Variants in PSTPIP1 observed in about 807,000 individuals in gnomAD.
The protein encoded by PSTPIP1 is proline-serine-threonine phosphatase interacting protein 1.
PSTPIP1 carries 66 observed loss-of-function variants against 69.6 expected under a neutral mutation model. The observed-to-expected ratio is 0.95, with a 90% confidence interval of 0.78 to 1.16. The LOEUF is 1.16. Among genes scored for constraint, PSTPIP1 ranks in the 50% most tolerant of loss-of-function variants. The probability of loss-of-function intolerance (pLI) is 0.00; values close to 1 mark genes in which losing one functional copy is unlikely to be tolerated. For synonymous variants in PSTPIP1, 266 were observed against 222.7 expected (o/e 1.19, Z -1.73); for missense variants, 603 against 557.4 (o/e 1.08, Z -0.82).
At chr15:77,035,584 AC>A (rs758390838) in intron 13 of PSTPIP1, 21 bp downstream of exon 13, 1 of 1,564,106 alleles carries the variant, frequency 6.4e-7, no homozygotes. Flanking sequence ...TCAGGAGGGG[AC>A]CCCCAAACAC....
intron 1 of PSTPIP1, among the ~76,000 whole-genome samples, chr15:77,011,278 G>A (rs987246934): frequency 6.6e-6 from 1 of 152,254 alleles, no homozygotes; most frequent in Non-Finnish European, 1.5e-5. Flanking sequence ...TCCAGTGCCT[G>A]TGTTGTCCCT....
At chr15:76,997,510 T>C (rs1418039805) in intron 1 of PSTPIP1, among the ~76,000 whole-genome samples, 1 of 152,240 alleles carries the variant, frequency 6.6e-6, no homozygotes, top group African/African-American at 2.4e-5. Context: ...TATTCACTCA[T>C]TCAATCCTTC....
chr15:77,018,844 G>A (rs911453569), intron 3 of PSTPIP1, among the ~76,000 whole-genome samples: 6 of 152,300 alleles, frequency 3.9e-5, no homozygotes, highest in South Asian at 4.1e-4. Context: ...GGTGACAGGC[G>A]TCTCCACTGG....
intron 1 of PSTPIP1, among the ~76,000 whole-genome samples, chr15:77,017,321 C>T (rs2076070894): frequency 6.6e-6 from 1 of 152,218 alleles, no homozygotes; most frequent in South Asian, 2.1e-4. Context: ...CTGGAATCCA[C>T]TGCACAGTGA....
chr15:77,035,766 A>C (rs368099765), intron 13 of PSTPIP1, 36 bp from the exon 14 acceptor site: 2 of 1,305,628 alleles, frequency 1.5e-6, no homozygotes, highest in African/African-American at 3.3e-5. Context: ...CAGTGTCCCC[A>C]GAAGGGGAGG....
rs1165225773 is a variant in PSTPIP1, at chr15:77,027,758, T to C, written c.355-94T>C. Reference sequence around the variant, plus strand: ...ACCCTCTCTCCAGAGCCAGGAGAGGTGCTGCGCCTCATCCCAGGGACACTC... The same window carrying C: ...ACCCTCTCTCCAGAGCCAGGAGAGGCGCTGCGCCTCATCCCAGGGACACTC... On this transcript the variant is annotated intron_variant, in intron 5 of 14. Coordinates refer to ENST00000558012, the MANE Select transcript of PSTPIP1 (RefSeq NM_003978.5). This position sits in a 1 kb window ranked among gnomAD's most constrained non-coding sequence, Gnocchi z 4.3. 7.0e-7 allele frequency: 1 copy of C among 1,428,812 alleles called. No individual in the cohort carries two copies. Among genetic ancestry groups the C allele is most frequent in the Admixed American group, 2.0e-5 (1 of 50,480 alleles). The allele number at this position is 1,428,812 out of a possible 1,614,324, so 88.5% of individuals were successfully genotyped here. A position where few individuals can be genotyped will look rare whatever the true frequency, so the allele number is the denominator to read the frequency against.
chr15:77,026,115 G>A (rs776943674), intron 5 of PSTPIP1: 4 of 456,070 alleles, frequency 8.8e-6, no homozygotes, highest in Non-Finnish European at 1.8e-5. Flanking sequence ...CCCATATGTA[G>A]GGCATGGCTG....
chr15:77,021,008 G>T (rs1388296968), intron 3 of PSTPIP1, among the ~76,000 whole-genome samples: 2 of 152,230 alleles, frequency 1.3e-5, no homozygotes, highest in Non-Finnish European at 2.9e-5. Context: ...TGCCCCCCAG[G>T]TCTATGGGAT....
At chr15:77,014,373 G>T (rs984773616) in intron 1 of PSTPIP1, among the ~76,000 whole-genome samples, 1 of 152,150 alleles carries the variant, frequency 6.6e-6, no homozygotes, top group Non-Finnish European at 1.5e-5. Context: ...GAAGGAAACA[G>T]GCTGAGAAGG....
At chr15:77,033,817 G>A (rs1180242420) in intron 12 of PSTPIP1, among the ~76,000 whole-genome samples, 1 of 86,800 alleles carries the variant, frequency 1.2e-5, no homozygotes, top group African/African-American at 4.4e-5. Context: ...CGTGCTTAGA[G>A]AGGGCACACA....
At chr15:77,005,656 G>A (rs1436194342) in intron 1 of PSTPIP1, among the ~76,000 whole-genome samples, 3 of 152,044 alleles carry the variant, frequency 2.0e-5, no homozygotes, top group Non-Finnish European at 4.4e-5. Context: ...CCCCTTCACC[G>A]CATACCTTGT....
At chr15:77,022,079 C>T (rs1568504400) in intron 3 of PSTPIP1, among the ~76,000 whole-genome samples, 1 of 152,256 alleles carries the variant, frequency 6.6e-6, no homozygotes. Context: ...CCTGCCTCAC[C>T]CCCAGTTGTC....
At chr15:77,013,642 T>C (rs757967257) in intron 1 of PSTPIP1, among the ~76,000 whole-genome samples, 2 of 152,130 alleles carry the variant, frequency 1.3e-5, no homozygotes, top group Non-Finnish European at 2.9e-5. Context: ...CAGCTTCTCC[T>C]AGGGGCTCCT....
At position 77,018,436 on chromosome 15, in the gene PSTPIP1, CA is replaced by C; in HGVS notation, c.138-18del. On this transcript the variant is annotated intron_variant, in intron 2 of 14. Transcript: ENST00000558012. ...AGGTGGCAAGTCACTGATGATCTTT[CA>C]AATGCCCTTTTTTTTGCAGGGCCCA... The C allele has an allele frequency of 6.4e-7, 1 of 1,564,522 alleles. No individual in the cohort carries two copies. Among genetic ancestry groups the C allele is most frequent in the East Asian group, 2.4e-5 (1 of 42,334 alleles).
chr15:77,001,857 G>A (rs1161988560), intron 1 of PSTPIP1, among the ~76,000 whole-genome samples: 1 of 152,220 alleles, frequency 6.6e-6, no homozygotes, highest in Non-Finnish European at 1.5e-5. Context: ...TGCCTGTTGG[G>A]AGAATGAGAG....
rs774164456 is a variant in PSTPIP1, at chr15:77,032,888, G to C, written c.865G>C (p.Asp289His). 1 of 1,600,910 alleles carries C rather than the reference G, an allele frequency of 6.2e-7. No homozygotes were observed. Among genetic ancestry groups the C allele is most frequent in the Admixed American group, 1.7e-5 (1 of 58,630 alleles). ...PAPVPYQNYY[D>H]REVTPLTSSP... ...TCCGGTGCCCTACCAGAACTATTAC[G>C]ATCGGGAGGTCACCCCGCTGACCAG... is the stretch of plus-strand genomic sequence containing the variant. The change falls in exon 12 of 15, where the codon GAT becomes CAT. Residue 289 changes from aspartate to histidine, a missense_variant. Physicochemically the swap from Asp to His is moderately conservative, Grantham distance 81. Coordinates refer to ENST00000558012, the MANE Select transcript of PSTPIP1 (RefSeq NM_003978.5).
intron 1 of PSTPIP1, among the ~76,000 whole-genome samples, chr15:77,010,850 T>C (rs2075919956): frequency 1.3e-5 from 2 of 152,146 alleles, no homozygotes; most frequent in African/African-American, 4.8e-5. Context: ...TTCACCATGT[T>C]GGCCAGGCTG....
chr15:77,017,924 C>G (rs2076084105), intron 1 of PSTPIP1, among the ~76,000 whole-genome samples: 1 of 152,222 alleles, frequency 6.6e-6, no homozygotes, highest in Admixed American at 6.5e-5. Context: ...CCGGCCCTGT[C>G]AGCTGGGTGG....
In PSTPIP1 at chr15:77,031,172, G is replaced by GC. The variant is rs746815327; in HGVS notation, c.643-3dup. The GC allele has an allele frequency of 6.8e-6, 11 of 1,611,338 alleles. No homozygotes were observed. The highest frequency in any genetic ancestry group is 9.3e-6 in the Non-Finnish European group (11 of 1,179,092). On this transcript the variant is annotated splice_polypyrimidine_tract_variant and splice_region_variant and intron_variant, in intron 9 of 14. Coordinates refer to ENST00000558012, the MANE Select transcript of PSTPIP1 (RefSeq NM_003978.5). ...CCTCACTGCTCACCTCCCTCCCACT[G>GC]CCCCCAGGCCTTTCAGCTGCAAGAG...
Sources: gnomAD v4.1 joint callset for allele counts (sites outside exome capture counted in the v4.1 genomes callset) on GRCh38, gnomAD v4.1.1 for gene constraint, Gnocchi (gnomAD v3.1) non-coding constraint, MANE v1.5 for transcripts, NCBI Gene and HGNC (gene_info 2026-07-23, HGNC 2026-07-21) for gene names.